Variants in IL17RD observed in about 807,000 individuals in gnomAD.
The protein encoded by IL17RD is interleukin 17 receptor D, also known as interleukin-17 receptor D.
IL17RD carries 52 observed loss-of-function variants against 80.5 expected under a neutral mutation model. That is an observed-to-expected ratio of 0.65 (90% CI 0.52 to 0.81). The LOEUF is 0.81. Among genes scored for constraint, IL17RD ranks in the 40% least tolerant of loss-of-function variants. IL17RD has a pLI of 0.00. For synonymous variants in IL17RD, 416 were observed against 391.8 expected (o/e 1.06, Z -0.73); for missense variants, 1,024 against 955.1 (o/e 1.07, Z -0.95).
chr3:57,131,244 G>A (rs2107514847), intron 1 of IL17RD, among the ~76,000 whole-genome samples: 1 of 149,532 alleles, frequency 6.7e-6, no homozygotes, highest in African/African-American at 2.5e-5. Context: ...AAGTCTCAAT[G>A]TTGGGCGAGC....
chr3:57,153,708 G>A (rs931594221), intron 1 of IL17RD, among the ~76,000 whole-genome samples: 1 of 152,206 alleles, frequency 6.6e-6, no homozygotes, highest in Non-Finnish European at 1.5e-5. Flanking sequence ...AAAATTTTCA[G>A]AATACAAAGG....
At chr3:57,100,046 T>C (rs938002316) in intron 11 of IL17RD, among the ~76,000 whole-genome samples, 1 of 152,244 alleles carries the variant, frequency 6.6e-6, no homozygotes, top group African/African-American at 2.4e-5. Flanking sequence ...TTCCAGACAA[T>C]GTTTTATTTA....
chr3:57,144,091 C>A (rs1330046426), intron 1 of IL17RD, among the ~76,000 whole-genome samples: 1 of 152,134 alleles, frequency 6.6e-6, no homozygotes, highest in Non-Finnish European at 1.5e-5. Context: ...GGGCAAAGAG[C>A]CCCTAGTAAA....
rs541464094 is a variant in IL17RD at position 57,163,819 on chromosome 3, G to A, written c.126+1342C>T. Among the ~76,000 whole-genome samples, 125 of 145,306 alleles carry A rather than the reference G, an allele frequency of 8.6e-4. 4 individuals are homozygous for A. The highest frequency in any genetic ancestry group is 3.1e-3 in the African/African-American group (119 of 38,892). ...GGGGGGGGAAGGGGGTGGCGGGGGC[G>A]GAGGCAGAGCAGGGGTCATAGCCGT... On this transcript the variant is annotated intron_variant, in intron 1 of 12. Transcript: ENST00000296318.
chr3:57,134,994 G>A (rs1315692435), intron 1 of IL17RD, among the ~76,000 whole-genome samples: 1 of 152,110 alleles, frequency 6.6e-6, no homozygotes, highest in Admixed American at 6.6e-5. Flanking sequence ...TGTAGTCCCA[G>A]CTACTTGGGA....
At chr3:57,140,619 A>G (rs1707810936) in intron 1 of IL17RD, among the ~76,000 whole-genome samples, 1 of 152,192 alleles carries the variant, frequency 6.6e-6, no homozygotes, top group African/African-American at 2.4e-5. Flanking sequence ...CATAGCCCCG[A>G]AAGGCTTAGT....
chr3:57,127,254 AT>A (rs1559476810), intron 1 of IL17RD, among the ~76,000 whole-genome samples: 9 of 100,002 alleles, frequency 9.0e-5, no homozygotes, highest in African/African-American at 4.3e-4. Context: ...ATATATATAA[AT>A]ATATATAAAT....
intron 1 of IL17RD, among the ~76,000 whole-genome samples, chr3:57,127,375 T>TAAATATATAA (rs1553625658): frequency 2.7e-5 from 2 of 75,386 alleles, no homozygotes; most frequent in South Asian, 3.8e-4. Flanking sequence ...AATATATATA[T>TAAATATATAA]ATAAATAAAT....
chr3:57,157,286 C>A (rs2060274384), intron 1 of IL17RD, among the ~76,000 whole-genome samples: 1 of 152,180 alleles, frequency 6.6e-6, no homozygotes, highest in Admixed American at 6.5e-5. Flanking sequence ...GAAGCCCGTT[C>A]AAGTTTCTCT....
chr3:57,154,283 T>TATACACACACACACAC (rs904157398), intron 1 of IL17RD, among the ~76,000 whole-genome samples: 38 of 112,904 alleles, frequency 3.4e-4, no homozygotes, highest in African/African-American at 1.1e-3. Context: ...TATATATATA[T>TATACACACACACACAC]ACACACACAC....
In IL17RD at chr3:57,165,294, C is replaced by G. The variant is rs750222097; in HGVS notation, c.-8G>C. On this transcript the variant is annotated 5_prime_UTR_variant, in exon 1 of 13. Transcript: ENST00000296318. The stretch of plus-strand genomic sequence containing the variant: ...CTGCAGCCACGGGGCCATGGCCGTG[C>G]GCTCGCCCAGCCAGGCCGTTCTCTG... The G allele has an allele frequency of 6.9e-7, 1 of 1,451,398 alleles. No homozygotes were observed. The allele number at this position is 1,451,398 out of a possible 1,614,324, so 89.9% of individuals were successfully genotyped here.
intron 11 of IL17RD, among the ~76,000 whole-genome samples, chr3:57,100,858 C>T (rs542764404): frequency 6.6e-6 from 1 of 152,262 alleles, no homozygotes; most frequent in African/African-American, 2.4e-5. Flanking sequence ...TGAGTGACAC[C>T]CCTCAACTCC....
intron 1 of IL17RD, among the ~76,000 whole-genome samples, chr3:57,159,203 C>G (rs995212708): frequency 6.6e-6 from 1 of 151,250 alleles, no homozygotes; most frequent in African/African-American, 2.4e-5. Flanking sequence ...AGACTAAATT[C>G]TGAGCAAGAT....
intron 1 of IL17RD, among the ~76,000 whole-genome samples, chr3:57,164,494 GGAAAAATATCCGCAA>G (rs2060331387): frequency 6.6e-6 from 1 of 152,204 alleles, no homozygotes; most frequent in Non-Finnish European, 1.5e-5. Flanking sequence ...GCCCTTTGGC[GGAAAAATATCCGCAA>G]CTCGAAGCAG....
intron 1 of IL17RD, 64 bp from the exon 2 acceptor site, chr3:57,120,377 C>T (rs1707307960): frequency 8.5e-7 from 1 of 1,181,796 alleles, no homozygotes; most frequent in Non-Finnish European, 1.3e-6. Flanking sequence ...CACAAAGCCC[C>T]ATGGAGTCCA....
At chr3:57,159,238 C>A (rs1022774762) in intron 1 of IL17RD, among the ~76,000 whole-genome samples, 2 of 152,180 alleles carry the variant, frequency 1.3e-5, no homozygotes, top group Admixed American at 6.5e-5. Flanking sequence ...AAGATTCCCC[C>A]CTTGGATTTG....
Position 57,102,670 on chromosome 3 carries a change from A to G in IL17RD, c.869-81T>C, listed in dbSNP as rs112245524. Reference sequence around the variant, plus strand: ...GAAACAACTTTTTTTCTTTTTAAACATAAGCCGCATAACAGGTTCTAGGAC... The same window carrying G: ...GAAACAACTTTTTTTCTTTTTAAACGTAAGCCGCATAACAGGTTCTAGGAC... On this transcript the variant is annotated intron_variant, in intron 9 of 12. Transcript: ENST00000296318. 544 of 607,460 alleles carry G rather than the reference A, an allele frequency of 9.0e-4. 2 individuals are homozygous for G. Among genetic ancestry groups the G allele is most frequent in the African/African-American group, 8.7e-3 (475 of 54,686 alleles). The allele number at this position is 607,460 out of a possible 1,614,324, so 37.6% of individuals were successfully genotyped here.
chr3:57,130,504 G>T (rs1056438145), intron 1 of IL17RD, among the ~76,000 whole-genome samples: 9 of 152,176 alleles, frequency 5.9e-5, no homozygotes, highest in African/African-American at 2.2e-4. Context: ...CTAAGCTAAA[G>T]CCAGAGTGAC....
rs1706703423 is a variant in IL17RD, at chr3:57,097,362, C to T, written c.2107+234G>A. 5 of 565,748 alleles carry T rather than the reference C, an allele frequency of 8.8e-6. No individual in the cohort carries two copies. In the East Asian group the frequency reaches 1.2e-4, roughly 14 times the overall value. 35.0% of individuals were successfully genotyped at this position (565,748 alleles called of 1,614,324 possible). Reference sequence around the variant, plus strand: ...AGTGCATAGTCTGTATGTGGCACAACACCCCTTGCAGGGTCTGGGCAGCTC... The same window carrying T: ...AGTGCATAGTCTGTATGTGGCACAATACCCCTTGCAGGGTCTGGGCAGCTC... On this transcript the variant is annotated intron_variant, in intron 12 of 12. Coordinates refer to ENST00000296318, the MANE Select transcript of IL17RD (RefSeq NM_017563.5).
Sources: allele counts gnomAD v4.1 joint callset (sites outside exome capture counted in the v4.1 genomes callset), GRCh38; gene constraint gnomAD v4.1.1; transcripts MANE v1.5; gene names NCBI Gene and HGNC (gene_info 2026-07-23, HGNC 2026-07-21).